Variants in LRBA observed in about 807,000 individuals in gnomAD.
LRBA encodes the protein LPS responsive beige-like anchor protein.
In LRBA, 176 loss-of-function variants were observed where a neutral mutation model predicts 330.0. That is an observed-to-expected ratio of 0.53 (90% CI 0.47 to 0.60). The LOEUF (loss-of-function observed/expected upper bound fraction) is 0.60. LRBA is among the 20% of genes least tolerant of loss of function. The probability of loss-of-function intolerance (pLI) is 0.00; values close to 1 mark genes in which losing one functional copy is unlikely to be tolerated. For synonymous variants in LRBA, 1,230 were observed against 1,193.0 expected (o/e 1.03, Z -0.64); for missense variants, 3,259 against 3,444.8 (o/e 0.95, Z 1.35).
At chr4:150,579,697 G>T (rs902597144) in intron 40 of LRBA, 3 of 456,592 alleles carry the variant, frequency 6.6e-6, no homozygotes, top group Non-Finnish European at 1.3e-5. Flanking sequence ...GAGTGGTGGC[G>T]CGAAGGTCCG....
chr4:150,414,378 TA>T (rs1354610375), intron 47 of LRBA, among the ~76,000 whole-genome samples: 8 of 152,174 alleles, frequency 5.3e-5, no homozygotes, highest in Non-Finnish European at 7.4e-5. Context: ...AATGCCACAT[TA>T]AAAAAATGCA....
chr4:150,858,687 C>G (rs982971430), intron 22 of LRBA, among the ~76,000 whole-genome samples: 3 of 152,128 alleles, frequency 2.0e-5, no homozygotes, highest in African/African-American at 7.2e-5. Flanking sequence ...ACCACCACTC[C>G]TGGCTAATTT....
At chr4:150,763,022 G>A (rs1218590615) in intron 34 of LRBA, among the ~76,000 whole-genome samples, 2 of 151,672 alleles carry the variant, frequency 1.3e-5, no homozygotes, top group East Asian at 1.9e-4. Flanking sequence ...AAAACCCAAG[G>A]TGGTTCTTAA....
intron 14 of LRBA, among the ~76,000 whole-genome samples, chr4:150,899,622 G>T (rs1035686652): frequency 3.9e-5 from 6 of 152,124 alleles, no homozygotes; most frequent in Non-Finnish European, 1.5e-5. Context: ...CTAACATTTT[G>T]TAATTTCATT....
chr4:150,265,755 G>A lies in LRBA; in HGVS notation c.8526C>T (p.Asn2842=), dbSNP rs766536252. ...GSIVLFYNDF[N]RWHHEYQTRY ...GGGTTTGGTATTCATGATGCCACCG[G>A]TTAAAGTCGTTGTAAAATAGCACAA... is the stretch of plus-strand genomic sequence containing the variant. Residue 2842 remains asparagine (N), a synonymous_variant, in exon 57 of 57, where the codon AAC becomes AAT. Transcript: ENST00000651943. The A allele has an allele frequency of 1.9e-6, 3 of 1,613,680 alleles. No homozygotes were observed. Among genetic ancestry groups the A allele is most frequent in the African/African-American group, 1.3e-5 (1 of 75,010 alleles).
At chr4:150,909,556 T>C (rs899136826) in intron 9 of LRBA, among the ~76,000 whole-genome samples, 2 of 152,262 alleles carry the variant, frequency 1.3e-5, no homozygotes, top group African/African-American at 4.8e-5. Context: ...GGGTTACTTC[T>C]ATCTCTGGGT....
chr4:150,817,031 G>A lies in LRBA; in HGVS notation c.5305+93C>T, dbSNP rs1744698630. 4 of 1,051,600 alleles carry A rather than the reference G, an allele frequency of 3.8e-6. No homozygotes were observed. In the South Asian group the frequency reaches 4.1e-5, roughly 11 times the overall value. 65.1% of individuals were successfully genotyped at this position (1,051,600 alleles called of 1,614,324 possible). A position where few individuals can be genotyped will look rare whatever the true frequency, so the allele number is the denominator to read the frequency against. On this transcript the variant is annotated intron_variant, in intron 31 of 56. Transcript: ENST00000651943. ...GTATAAAAGTACAATGGTTTCTAAT[G>A]TGCCCCCAAATTTTAAGTTAATCAA...
chr4:150,753,190 C>G (rs1370936179), intron 35 of LRBA, among the ~76,000 whole-genome samples: 1 of 152,172 alleles, frequency 6.6e-6, no homozygotes, highest in Non-Finnish European at 1.5e-5. Flanking sequence ...CTCGTTTTAA[C>G]TTTCTCATAT....
intron 22 of LRBA, among the ~76,000 whole-genome samples, chr4:150,856,984 T>A (rs150417190): frequency 1.4e-4 from 21 of 152,276 alleles, no homozygotes; most frequent in African/African-American, 4.8e-4. Flanking sequence ...GATGTTAATA[T>A]TATCTTTTTA....
intron 37 of LRBA, among the ~76,000 whole-genome samples, chr4:150,647,179 T>A (rs1779222340): frequency 6.6e-6 from 1 of 151,914 alleles, no homozygotes; most frequent in Admixed American, 6.6e-5. Flanking sequence ...CCTTGCAGAA[T>A]ATGTCAATAT....
intron 2 of LRBA, among the ~76,000 whole-genome samples, chr4:150,954,295 T>C (rs531617810): frequency 1.4e-4 from 22 of 152,224 alleles, no homozygotes; most frequent in Non-Finnish European, 3.1e-4. Flanking sequence ...GAACGGGCCA[T>C]GATGACGATG....
At chr4:150,524,806 C>T (rs564670105) in intron 40 of LRBA, among the ~76,000 whole-genome samples, 4 of 151,998 alleles carry the variant, frequency 2.6e-5, no homozygotes, top group Admixed American at 6.6e-5. Flanking sequence ...TAATTAGATG[C>T]CAAGGTTTTC....
chr4:150,503,867 C>T (rs1760658317), intron 40 of LRBA, among the ~76,000 whole-genome samples: 1 of 152,052 alleles, frequency 6.6e-6, no homozygotes. Context: ...GAATGGATAA[C>T]TAGAATAACC....
intron 36 of LRBA, among the ~76,000 whole-genome samples, chr4:150,712,204 GGTTA>G (rs1402263795): frequency 1.3e-5 from 2 of 152,070 alleles, no homozygotes; most frequent in African/African-American, 2.4e-5. Flanking sequence ...CTGGCTCATG[GGTTA>G]TTTATTGTAA....
intron 44 of LRBA, among the ~76,000 whole-genome samples, chr4:150,459,494 C>T (rs1754493893): frequency 6.6e-6 from 1 of 151,868 alleles, no homozygotes; most frequent in Admixed American, 6.6e-5. Flanking sequence ...AAATGTGTGA[C>T]CTCCCAGAAT....
intron 2 of LRBA, among the ~76,000 whole-genome samples, chr4:150,954,689 C>T (rs1348350720): frequency 2.0e-5 from 3 of 149,036 alleles, no homozygotes; most frequent in Non-Finnish European, 4.4e-5. Context: ...TGTTTATCTG[C>T]TGACCTTCCC....
chr4:151,008,373 A>G (rs1744371606), intron 2 of LRBA, among the ~76,000 whole-genome samples: 1 of 151,910 alleles, frequency 6.6e-6, no homozygotes, highest in African/African-American at 2.4e-5. Context: ...GAGCCACCGC[A>G]CCCAGCCTAA....
chr4:150,653,305 T>C (rs1779881354), intron 37 of LRBA, among the ~76,000 whole-genome samples: 1 of 152,234 alleles, frequency 6.6e-6, no homozygotes, highest in South Asian at 2.1e-4. Flanking sequence ...CAGAATACTC[T>C]GAAGGTAATC....
At chr4:150,549,891 A>C (rs1054956908) in intron 40 of LRBA, among the ~76,000 whole-genome samples, 1 of 152,188 alleles carries the variant, frequency 6.6e-6, no homozygotes, top group African/African-American at 2.4e-5. Flanking sequence ...ATCAGGGTTG[A>C]GTACTAAATG....
Sources: allele counts gnomAD v4.1 joint callset (sites outside exome capture counted in the v4.1 genomes callset), GRCh38; gene constraint gnomAD v4.1.1; transcripts MANE v1.5; gene names NCBI Gene and HGNC (gene_info 2026-07-23, HGNC 2026-07-21).